ACE: variants seen among roughly 807,000 people sequenced by gnomAD.
ACE encodes angiotensin-converting enzyme.
Under a neutral mutation model 162.3 loss-of-function variants are expected in ACE, and 122 were observed. The ratio of observed to expected loss-of-function variants is 0.75; its 90% CI spans 0.65 to 0.87. ACE has a LOEUF of 0.87. Ranked by LOEUF, ACE falls within the 40% of genes least tolerant of loss-of-function variation. The pLI, the probability that ACE is intolerant of heterozygous loss-of-function variation, is 0.00. For synonymous variants in ACE, 796 were observed against 720.6 expected (o/e 1.10, Z -1.68); for missense variants, 1,799 against 1,735.1 (o/e 1.04, Z -0.65).
At chr17:63,479,127 G>T (rs754885621) in intron 3 of ACE, 27 bp downstream of exon 3, 1 of 1,573,084 alleles carries the variant, frequency 6.4e-7, no homozygotes, top group Non-Finnish European at 8.7e-7. Flanking sequence ...TCCCCTCTCG[G>T]CGGTGCCCTA....
At chr17:63,492,025 G>A (rs1289115500) in intron 19 of ACE, among the ~76,000 whole-genome samples, 1 of 152,202 alleles carries the variant, frequency 6.6e-6, no homozygotes, top group Non-Finnish European at 1.5e-5. Flanking sequence ...TCTGGCTGTC[G>A]GTTGAGGTCC....
Position 63,497,777 on chromosome 17 carries a change from C to T in ACE, c.*411C>T. ...AGCTCTGCCCCAGCACCTCCTGGCG[C>T]TGGCGCCTGTCTTCCCTCCAGCCCA... On this transcript the variant is annotated 3_prime_UTR_variant, in exon 25 of 25. Transcript: ENST00000290866. 2.6e-6 allele frequency: 1 copy of T among 378,472 alleles called. No homozygotes were observed. The highest frequency in any genetic ancestry group is 5.1e-6 in the Non-Finnish European group (1 of 197,420). 23.4% of individuals were successfully genotyped at this position (378,472 alleles called of 1,614,324 possible). A position where few individuals can be genotyped will look rare whatever the true frequency, so the allele number is the denominator to read the frequency against.
chr17:63,481,241 AAAAG>A, intron 6 of ACE, 53 bp downstream of exon 6: 2 of 1,507,972 alleles, frequency 1.3e-6, no homozygotes, highest in Non-Finnish European at 1.8e-6. Flanking sequence ...GGGGCGCAAA[AAAAG>A]GGAGTCACAG....
Position 63,483,567 on chromosome 17 carries a change from G to GCGGGCCCCCCCCCCCCCC in ACE, c.1586+10_1586+11insGGGCCCCCCCCCCCCCCC. On this transcript the variant is annotated intron_variant, in intron 10 of 24. Coordinates refer to ENST00000290866, the MANE Select transcript of ACE (RefSeq NM_000789.4). ...GTGACACCATACATCAGGTATTAGCGCCCCCACCCCACCCACCCCCAGTAC... is the reference window on the plus strand; with the variant it reads ...GTGACACCATACATCAGGTATTAGCGCGGGCCCCCCCCCCCCCCCCCCCACCCCACCCACCCCCAGTAC... The GCGGGCCCCCCCCCCCCCC allele has an allele frequency of 1.3e-6, 2 of 1,589,568 alleles. No individual in the cohort carries two copies. Among genetic ancestry groups the GCGGGCCCCCCCCCCCCCC allele is most frequent in the Non-Finnish European group, 8.6e-7 (1 of 1,165,682 alleles).
chr17:63,497,943 T>C lies in ACE; in HGVS notation c.*577T>C, dbSNP rs752259645. 9.6e-6 allele frequency: 2 copies of C among 207,628 alleles called. No homozygotes were observed. Among genetic ancestry groups the C allele is most frequent in the Non-Finnish European group, 2.0e-5 (2 of 101,622 alleles). 12.9% of individuals were successfully genotyped at this position (207,628 alleles called of 1,614,324 possible). On this transcript the variant is annotated 3_prime_UTR_variant, in exon 25 of 25. Coordinates refer to ENST00000290866, the MANE Select transcript of ACE (RefSeq NM_000789.4). ...GTGGAGCCTTTCCCTGCTCCACAAA[T>C]GGCCAGGTCCCCCCAGGGGAAGGCT...
rs142328237 is a variant in ACE at position 63,481,705 on chromosome 17, C to G, written c.1085C>G (p.Ser362Trp). Residue 362 changes from serine (S) to tryptophan (W), a missense_variant, in exon 7 of 25, where the codon TCG (serine) becomes TGG (tryptophan). Physicochemically the swap from Ser to Trp is radical, Grantham distance 177. Coordinates refer to ENST00000290866, the MANE Select transcript of ACE (RefSeq NM_000789.4). ...GGGCGGGAAGTGGTGTGCCACGCCTCGGCTTGGGACTTCTACAACAGGAAA... is the reference window on the plus strand; with the variant it reads ...GGGCGGGAAGTGGTGTGCCACGCCTGGGCTTGGGACTTCTACAACAGGAAA... ...ADGREVVCHA[S>W]AWDFYNRKDF... 82 of 1,614,158 alleles carry G rather than the reference C, an allele frequency of 5.1e-5. No individual in the cohort carries two copies. In the African/African-American group the frequency reaches 1.1e-3, roughly 21 times the overall value.
intron 13 of ACE, chr17:63,486,306 T>C (rs991876949): frequency 3.5e-6 from 2 of 567,332 alleles, no homozygotes; most frequent in Non-Finnish European, 3.2e-6. Context: ...TTTACGACAC[T>C]TGGGGGTCTT....
At chr17:63,492,706 G>A (rs142700714) in intron 19 of ACE, among the ~76,000 whole-genome samples, 26 of 152,292 alleles carry the variant, frequency 1.7e-4, no homozygotes, top group Admixed American at 4.6e-4. Flanking sequence ...AGAATTTCCC[G>A]CAGTTTGAAT....
rs764244232 is a variant in ACE, at chr17:63,483,545, A to G, written c.1573A>G (p.Thr525Ala). The change falls in exon 10 of 25, where the codon ACA (threonine) becomes GCA (alanine). Residue 525 changes from threonine to alanine, a missense_variant. By Grantham distance (58) the Thr-to-Ala change is moderately conservative. Transcript: ENST00000290866. The stretch of plus-strand genomic sequence containing the variant: ...AGCTAAGTTTCATGTTCCAAATGTG[A>G]CACCATACATCAGGTATTAGCGCCC... The part of the protein sequence containing the change: ...AGAKFHVPNV[T>A]PYIRYFVSFV... 1 of 1,613,988 alleles carries G rather than the reference A, an allele frequency of 6.2e-7. No individual in the cohort carries two copies. The highest frequency in any genetic ancestry group is 1.1e-5 in the South Asian group (1 of 91,074).
rs767666140 is a variant in ACE at position 63,482,679 on chromosome 17, C to T, written c.1332C>T (p.Thr444=). The change falls in exon 8 of 25, where the codon ACC becomes ACT. Residue 444 remains threonine (T), a synonymous_variant. Transcript: ENST00000290866. The part of the protein sequence containing the change: ...LHKIGLLDRV[T]NDTESDINYL... ...AAATCGGCCTGCTGGACCGTGTCAC[C>T]AATGACACGGGTATGGGAGGGCTGA... 1 of 1,613,656 alleles carries T rather than the reference C, an allele frequency of 6.2e-7. No homozygotes were observed. Among genetic ancestry groups the T allele is most frequent in the East Asian group, 2.2e-5 (1 of 44,872 alleles).
In ACE at chr17:63,483,891, C is replaced by T. The variant is rs141369597; in HGVS notation, c.1629C>T (p.Ala543=). Residue 543 remains alanine, a synonymous_variant, in exon 11 of 25, where the codon GCC becomes GCT. Transcript: ENST00000290866. The part of the protein sequence containing the change: ...SFVLQFQFHE[A]LCKEAGYEGP... ...TCCTGCAGTTCCAGTTCCATGAAGC[C>T]CTGTGCAAGGAGGCAGGCTATGAGG... is the stretch of plus-strand genomic sequence containing the variant. 3.5e-5 allele frequency: 56 copies of T among 1,614,098 alleles called. No homozygotes were observed. In the African/African-American group the frequency reaches 6.4e-4, roughly 18 times the overall value.
Position 63,477,840 on chromosome 17 carries a change from T to C in ACE, c.250-91T>C, listed in dbSNP as rs757922092. ...GCCCGGGCTCTGGAAGCCCTTGGCC[T>C]TCCTCCCCTCCCCCAGCACCGTGGC... On this transcript the variant is annotated intron_variant, in intron 1 of 24. Coordinates refer to ENST00000290866, the MANE Select transcript of ACE (RefSeq NM_000789.4). The C allele has an allele frequency of 4.6e-6, 7 of 1,514,424 alleles. No homozygotes were observed. In the African/African-American group the frequency reaches 5.5e-5, roughly 12 times the overall value. 93.8% of individuals were successfully genotyped at this position (1,514,424 alleles called of 1,614,324 possible).
At chr17:63,486,845 C>A in intron 14 of ACE, 130 bp downstream of exon 14, 1 of 1,470,458 alleles carries the variant, frequency 6.8e-7, no homozygotes, top group Non-Finnish European at 9.5e-7. Flanking sequence ...ATGCGATGTG[C>A]ACCTCAGAAC....
intron 6 of ACE, 126 bp from the exon 7 acceptor site, chr17:63,481,440 G>A: frequency 9.1e-7 from 1 of 1,102,906 alleles, no homozygotes; most frequent in South Asian, 1.5e-5. Flanking sequence ...CTGCCTCTGG[G>A]AATGGTGGCC....
chr17:63,484,567 G>A lies in ACE; in HGVS notation c.1921+26G>A, dbSNP rs1322893645. The A allele has an allele frequency of 1.3e-6, 2 of 1,598,284 alleles. No homozygotes were observed. Among genetic ancestry groups the A allele is most frequent in the African/African-American group, 2.7e-5 (2 of 74,722 alleles). On this transcript the variant is annotated intron_variant, in intron 12 of 24. Coordinates refer to ENST00000290866, the MANE Select transcript of ACE (RefSeq NM_000789.4). The surrounding 1 kb of genome is among the most constrained non-coding windows in gnomAD (Gnocchi z 4.0). ...GTAAAGCCCTGAGTGAGGATGGTGT[G>A]GGGCTAAGGTGGGTCCTCAACTCTG...
rs752261959 is a variant in ACE, at chr17:63,481,554, C to A, written c.946-12C>A. The A allele has an allele frequency of 1.9e-6, 3 of 1,613,522 alleles. No homozygotes were observed. The Admixed American group carries it at 5.0e-5, about 27-fold the overall frequency. Reference sequence around the variant, plus strand: ...GGGCTCCCCCTGACCTGGCTCCACACCCCTCCTCCAGGGCTGGAACGCCAC... The same window carrying A: ...GGGCTCCCCCTGACCTGGCTCCACAACCCTCCTCCAGGGCTGGAACGCCAC... On this transcript the variant is annotated splice_polypyrimidine_tract_variant and intron_variant, in intron 6 of 24. Coordinates refer to ENST00000290866, the MANE Select transcript of ACE (RefSeq NM_000789.4).
intron 17 of ACE, among the ~76,000 whole-genome samples, chr17:63,489,650 C>T (rs2030236663): frequency 6.6e-6 from 1 of 152,082 alleles, no homozygotes; most frequent in African/African-American, 2.4e-5. Flanking sequence ...TCTCAGATGC[C>T]CTGAATGTGT....
chr17:63,488,465 A>C, intron 15 of ACE, 183 bp from the exon 16 acceptor site: 2 of 364,346 alleles, frequency 5.5e-6, no homozygotes, highest in African/African-American at 2.4e-5. Flanking sequence ...CAGGCCGGGG[A>C]CTCTGTAAGC....
intron 16 of ACE, 74 bp from the exon 17 acceptor site, chr17:63,488,867 C>G (rs753390549): frequency 6.2e-7 from 1 of 1,613,554 alleles, no homozygotes; most frequent in Admixed American, 1.7e-5. Flanking sequence ...AAACCCCAAG[C>G]CTAGGAAAAG....
Sources: gnomAD v4.1 joint callset for allele counts (sites outside exome capture counted in the v4.1 genomes callset) on GRCh38, gnomAD v4.1.1 for gene constraint, Gnocchi (gnomAD v3.1) non-coding constraint, MANE v1.5 for transcripts, NCBI Gene and HGNC (gene_info 2026-07-23, HGNC 2026-07-21) for gene names.